The following CCDC178 variants were observed in gnomAD, a reference collection of about 807,000 sequenced individuals.
The protein encoded by CCDC178 is coiled-coil domain containing 178.
Under a neutral mutation model 117.4 loss-of-function variants are expected in CCDC178, and 126 were observed. The observed-to-expected ratio is 1.07, with a 90% confidence interval of 0.93 to 1.24. The LOEUF is 1.24. Ranked by LOEUF, CCDC178 falls within the 50% of genes most tolerant of loss-of-function variation. CCDC178 has a pLI of 0.00. For synonymous variants in CCDC178, 283 were observed against 313.4 expected (o/e 0.90, Z 1.02); for missense variants, 1,030 against 986.9 (o/e 1.04, Z -0.59).
chr18:33,003,378 A>C (rs1236774963), intron 21 of CCDC178, among the ~76,000 whole-genome samples: 2 of 152,220 alleles, frequency 1.3e-5, no homozygotes, highest in African/African-American at 4.8e-5. Flanking sequence ...AGGATGGTTC[A>C]ACATATGCAA....
intron 2 of CCDC178, among the ~76,000 whole-genome samples, chr18:33,430,737 A>G (rs2144967017): frequency 6.6e-6 from 1 of 152,332 alleles, no homozygotes; most frequent in East Asian, 1.9e-4. Flanking sequence ...ACATAGTCTA[A>G]CCTGTTCTAA....
intron 12 of CCDC178, among the ~76,000 whole-genome samples, chr18:33,281,673 G>T (rs1363484783): frequency 6.6e-6 from 1 of 152,110 alleles, no homozygotes; most frequent in South Asian, 2.1e-4. Context: ...TAAAGTTAAG[G>T]TTTTAAGAAT....
chr18:33,108,003 G>A (rs1415607988), intron 20 of CCDC178, among the ~76,000 whole-genome samples: 1 of 151,654 alleles, frequency 6.6e-6, no homozygotes, highest in African/African-American at 2.4e-5. Context: ...GTGACCTTTT[G>A]AAGTTTTTTT....
chr18:33,398,727 C>T (rs1315890059), intron 3 of CCDC178, among the ~76,000 whole-genome samples: 1 of 152,066 alleles, frequency 6.6e-6, no homozygotes, highest in East Asian at 1.9e-4. Flanking sequence ...TACAAGCATA[C>T]CTCGGAGATA....
intron 2 of CCDC178, among the ~76,000 whole-genome samples, chr18:33,419,917 T>C (rs1025347882): frequency 6.6e-6 from 1 of 151,902 alleles, no homozygotes; most frequent in Non-Finnish European, 1.5e-5. Flanking sequence ...TTTCCTTCTT[T>C]TTTTTTTTCA....
At chr18:32,952,750 G>T (rs2054515159) in intron 22 of CCDC178, among the ~76,000 whole-genome samples, 1 of 150,242 alleles carries the variant, frequency 6.7e-6, no homozygotes, top group African/African-American at 2.4e-5. Flanking sequence ...CTACCACATT[G>T]TCAGGCTGCA....
At chr18:33,354,478 T>G (rs1204464858) in intron 7 of CCDC178, among the ~76,000 whole-genome samples, 1 of 152,174 alleles carries the variant, frequency 6.6e-6, no homozygotes, top group Non-Finnish European at 1.5e-5. Context: ...CTTGTCTTTC[T>G]TGTTTCTTAG....
At chr18:33,215,944 T>G (rs566389140) in intron 18 of CCDC178, among the ~76,000 whole-genome samples, 2 of 151,950 alleles carry the variant, frequency 1.3e-5, no homozygotes, top group South Asian at 4.1e-4. Flanking sequence ...CCAAAATTTT[T>G]TTAAATAGCC....
At chr18:32,972,805 T>C (rs1817407555) in intron 22 of CCDC178, among the ~76,000 whole-genome samples, 1 of 152,064 alleles carries the variant, frequency 6.6e-6, no homozygotes, top group South Asian at 2.1e-4. Context: ...GTAGACTTGA[T>C]TTTTTTCCCC....
chr18:33,088,310 TGATA>T (rs1322505034), intron 21 of CCDC178, among the ~76,000 whole-genome samples: 1 of 152,152 alleles, frequency 6.6e-6, no homozygotes, highest in Non-Finnish European at 1.5e-5. Context: ...TAGAATTGAT[TGATA>T]TTCACAAAAT....
intron 3 of CCDC178, among the ~76,000 whole-genome samples, chr18:33,410,008 T>C (rs964506728): frequency 1.3e-5 from 2 of 152,212 alleles, no homozygotes; most frequent in Non-Finnish European, 2.9e-5. Context: ...TCATGTGATA[T>C]GTAGTTTTAT....
chr18:33,073,951 T>G (rs9964308), intron 21 of CCDC178, among the ~76,000 whole-genome samples: 4,323 of 151,982 alleles, frequency 0.028, 203 homozygotes, highest in African/African-American at 0.099. Flanking sequence ...GTATGAAAAT[T>G]TTTGGGAATA....
At chr18:33,091,220 TAC>T (rs2057456094) in intron 21 of CCDC178, among the ~76,000 whole-genome samples, 1 of 151,772 alleles carries the variant, frequency 6.6e-6, no homozygotes. Flanking sequence ...TCTTCATAGA[TAC>T]ATACATGCCC....
At chr18:33,433,399 TC>T (rs1451209010) in intron 2 of CCDC178, among the ~76,000 whole-genome samples, 3 of 152,162 alleles carry the variant, frequency 2.0e-5, no homozygotes. Context: ...AGACTAACTC[TC>T]CCTTAATTAC....
intron 21 of CCDC178, among the ~76,000 whole-genome samples, chr18:33,046,857 A>G (rs956587555): frequency 6.6e-6 from 1 of 152,206 alleles, no homozygotes; most frequent in African/African-American, 2.4e-5. Flanking sequence ...AACAAAGGTA[A>G]TTTAAACTTT....
At chr18:33,211,758 A>G (rs945159184) in intron 20 of CCDC178, 138 bp downstream of exon 20, 2 of 628,574 alleles carry the variant, frequency 3.2e-6, no homozygotes, top group South Asian at 4.5e-5. Context: ...GAAAACTTCC[A>G]GGTTTATTAT....
At chr18:33,276,414 T>G (rs1301663222) in intron 12 of CCDC178, among the ~76,000 whole-genome samples, 2 of 151,996 alleles carry the variant, frequency 1.3e-5, no homozygotes, top group African/African-American at 2.4e-5. Flanking sequence ...AGTTGGCAGT[T>G]GGATTCAGAG....
intron 20 of CCDC178, among the ~76,000 whole-genome samples, chr18:33,094,440 T>C (rs902226425): frequency 6.6e-6 from 1 of 152,010 alleles, no homozygotes; most frequent in African/African-American, 2.4e-5. Flanking sequence ...ATAAATGTTC[T>C]ACTTTAGAAA....
intron 20 of CCDC178, among the ~76,000 whole-genome samples, chr18:33,135,449 C>A (rs1381308503): frequency 6.6e-6 from 1 of 152,058 alleles, no homozygotes; most frequent in Non-Finnish European, 1.5e-5. Flanking sequence ...TTTGATCTAT[C>A]TAGCACTAGA....
Sources: gnomAD v4.1 joint callset for allele counts (sites outside exome capture counted in the v4.1 genomes callset) on GRCh38, gnomAD v4.1.1 for gene constraint, MANE v1.5 for transcripts, NCBI Gene and HGNC (gene_info 2026-07-23, HGNC 2026-07-21) for gene names.